Variants in ALLC observed in about 807,000 individuals in gnomAD.
The protein encoded by ALLC is probable inactive allantoicase.
A neutral mutation model predicts 45.0 loss-of-function variants in ALLC; 40 were observed. That is an observed-to-expected ratio of 0.89 (90% CI 0.69 to 1.16). The LOEUF (loss-of-function observed/expected upper bound fraction) is 1.16, where lower values mean the gene tolerates loss of function less well. ALLC is among the 50% of genes most tolerant of loss of function. ALLC has a pLI of 0.00. For synonymous variants in ALLC, 176 were observed against 178.1 expected, an observed-to-expected ratio of 0.99 and a Z score of 0.09; for missense variants, 488 against 493.1, an observed-to-expected ratio of 0.99 and a Z score of 0.10.
chr2:3,675,130 A>C (rs1666988687), intron 3 of ALLC, among the ~76,000 whole-genome samples: 1 of 152,184 alleles, frequency 6.6e-6, no homozygotes, highest in Non-Finnish European at 1.5e-5. Flanking sequence ...TGTGGCTCAC[A>C]CCTGTAATCC....
intron 6 of ALLC, 51 bp from the exon 7 acceptor site, chr2:3,682,891 G>A: frequency 6.3e-7 from 1 of 1,596,516 alleles, no homozygotes; most frequent in Non-Finnish European, 8.6e-7. Context: ...TAGGATGACA[G>A]AATTTATTGT....
In ALLC at chr2:3,702,491, C is replaced by T. The variant is rs1029314512; in HGVS notation, c.1104C>T (p.Ser368=). The change falls in exon 12 of 12, where the codon AGC becomes AGT. Residue 368 remains serine (S), a synonymous_variant. Transcript: ENST00000252505. ...GCCTTCGGCTCCGGGGCTTCCCCAG[C>T]TCCATCTGCCTCCTGAGGCCCCGGG... The part of the protein sequence containing the change: ...VSRLRLRGFP[S]SICLLRPREK... 2 of 1,611,972 alleles carry T rather than the reference C, an allele frequency of 1.2e-6. No homozygotes were observed. The highest frequency in any genetic ancestry group is 1.7e-6 in the Non-Finnish European group (2 of 1,179,458).
At chr2:3,660,702 G>A (rs1010095043) in intron 1 of ALLC, among the ~76,000 whole-genome samples, 4 of 152,108 alleles carry the variant, frequency 2.6e-5, no homozygotes, top group African/African-American at 9.7e-5. Flanking sequence ...GGGTTAGACC[G>A]CACAGGCTAA....
At chr2:3,700,252 G>C (rs1014432454) in intron 10 of ALLC, among the ~76,000 whole-genome samples, 2 of 152,014 alleles carry the variant, frequency 1.3e-5, no homozygotes, top group Non-Finnish European at 2.9e-5. Context: ...TTATTGAATT[G>C]GGATTCATTT....
rs1558537012 is a variant in ALLC at position 3,671,499 on chromosome 2, CGGAGGTCCTCTGGCTCTGGTTAGATA to C, written c.33+361_33+386del. On this transcript the variant is annotated intron_variant, in intron 2 of 11. Coordinates refer to ENST00000252505, the MANE Select transcript of ALLC (RefSeq NM_018436.4). ...TGAGGTCCTCTAGCTGGAGTTAAAT[CGGAGGTCCTCTGGCTCTGGTTAGATA>C]GGAGGTCCTCTGGCTCTGGTTAGAT... 2.3e-3 allele frequency among the ~76,000 whole-genome samples: 348 copies of C among 151,350 alleles called. 11 individuals are homozygous for C. The highest frequency in any genetic ancestry group is 6.9e-3 in the Middle Eastern group (2 of 290).
intron 10 of ALLC, among the ~76,000 whole-genome samples, chr2:3,700,107 T>A (rs1262029188): frequency 6.6e-6 from 1 of 152,236 alleles, no homozygotes; most frequent in African/African-American, 2.4e-5. Flanking sequence ...TCCTAAGTTA[T>A]CTTCCAGGGT....
intron 10 of ALLC, among the ~76,000 whole-genome samples, chr2:3,698,332 A>T (rs1278475399): frequency 6.6e-6 from 1 of 152,218 alleles, no homozygotes; most frequent in Non-Finnish European, 1.5e-5. Context: ...AAGTCACACA[A>T]GATTCCATGA....
At chr2:3,678,801 G>A (rs1187806672) in intron 4 of ALLC, among the ~76,000 whole-genome samples, 6 of 152,222 alleles carry the variant, frequency 3.9e-5, no homozygotes, top group Admixed American at 3.9e-4. Context: ...GAAAACCCTG[G>A]TGAGGTCTGC....
chr2:3,660,990 A>G (rs1666561684), intron 1 of ALLC, among the ~76,000 whole-genome samples: 1 of 152,176 alleles, frequency 6.6e-6, no homozygotes. Context: ...CTTTGAAGAG[A>G]AATTTAGGAC....
In ALLC at chr2:3,680,067, C is replaced by T; in HGVS notation, c.298+73C>T. The T allele has an allele frequency of 1.3e-6, 2 of 1,590,880 alleles. No homozygotes were observed. Among genetic ancestry groups the T allele is most frequent in the Non-Finnish European group, 1.7e-6 (2 of 1,163,038 alleles). ...GCTCCTCTGGCCAGCCACAGCCCCA[C>T]AACTGCTCACTTTCCCTACCACCCA... is the stretch of plus-strand genomic sequence containing the variant. On this transcript the variant is annotated intron_variant, in intron 5 of 11. Coordinates refer to ENST00000252505, the MANE Select transcript of ALLC (RefSeq NM_018436.4). This position sits in a 1 kb window ranked among gnomAD's most constrained non-coding sequence, Gnocchi z 4.0.
At chr2:3,671,319 C>A (rs1666862544) in intron 2 of ALLC, 129 bp downstream of exon 2, 1 of 1,048,422 alleles carries the variant, frequency 9.5e-7, no homozygotes, top group Non-Finnish European at 1.4e-6. Context: ...CCCAAGGAAA[C>A]CCGTTAGCGA....
the ALLC span, among the ~76,000 whole-genome samples, chr2:3,645,956 A>G: frequency 1.3e-5 from 2 of 152,132 alleles, no homozygotes; most frequent in Non-Finnish European, 2.9e-5. The surrounding 1 kb of genome is among the most constrained non-coding windows in gnomAD (Gnocchi z 4.3). Flanking sequence ...CCTTTGTTCT[A>G]AGTTATCTAT....
chr2:3,652,865 A>G, the ALLC span, among the ~76,000 whole-genome samples: 3 of 152,174 alleles, frequency 2.0e-5, no homozygotes, highest in African/African-American at 7.2e-5. Context: ...TACAGGCGTG[A>G]GCCACCACGC....
At chr2:3,697,625 A>G (rs12615970) in intron 10 of ALLC, among the ~76,000 whole-genome samples, 169 bp downstream of exon 10, 5,375 of 76,670 alleles carry the variant, frequency 0.07, 179 homozygotes, top group African/African-American at 0.29. Context: ...CTGTCTGTCT[A>G]TCTATCTATC....
At chr2:3,651,970 A>C in the ALLC span, among the ~76,000 whole-genome samples, 1 of 152,230 alleles carries the variant, frequency 6.6e-6, no homozygotes, top group Non-Finnish European at 1.5e-5. Flanking sequence ...TGAGGTCACC[A>C]GACGCAACCC....
At chr2:3,652,629 T>C in the ALLC span, among the ~76,000 whole-genome samples, 3 of 149,116 alleles carry the variant, frequency 2.0e-5, no homozygotes, top group Non-Finnish European at 4.4e-5. Context: ...CTCGCTCGTT[T>C]AGCAGGCTGG....
intron 7 of ALLC, among the ~76,000 whole-genome samples, chr2:3,690,531 CTT>C (rs1316893434): frequency 6.8e-6 from 1 of 146,672 alleles, no homozygotes; most frequent in East Asian, 2.0e-4. Flanking sequence ...TTTTAATTGA[CTT>C]TTATTTTTAG....
At chr2:3,692,968 G>A (rs1238926290) in intron 7 of ALLC, among the ~76,000 whole-genome samples, 1 of 152,144 alleles carries the variant, frequency 6.6e-6, no homozygotes. Context: ...GGGGCAGGAT[G>A]AGAAGCCCTG....
At chr2:3,697,060 C>T (rs138404067) in intron 9 of ALLC, among the ~76,000 whole-genome samples, 12 of 152,182 alleles carry the variant, frequency 7.9e-5, no homozygotes, top group East Asian at 7.7e-4. Flanking sequence ...CTGGAATAGA[C>T]GAAGATTGCT....
Sources: allele counts gnomAD v4.1 joint callset (sites outside exome capture counted in the v4.1 genomes callset), GRCh38; gene constraint gnomAD v4.1.1; non-coding constraint Gnocchi (gnomAD v3.1); transcripts MANE v1.5; gene names NCBI Gene and HGNC (gene_info 2026-07-23, HGNC 2026-07-21).